Variants in PPARGC1A observed in about 807,000 individuals in gnomAD.
PPARGC1A encodes the protein peroxisome proliferator-activated receptor gamma coactivator 1-alpha.
In PPARGC1A, 25 loss-of-function variants were observed where a neutral mutation model predicts 88.7. The observed-to-expected ratio is 0.28, with a 90% CI of 0.21 to 0.39. The LOEUF is 0.39. Ranked by LOEUF, PPARGC1A falls within the 10% of genes least tolerant of loss-of-function variation. The probability of loss-of-function intolerance (pLI) is 1.00; values close to 1 mark genes in which losing one functional copy is unlikely to be tolerated. For synonymous variants in PPARGC1A, 363 were observed against 355.6 expected (o/e 1.02, Z -0.24); for missense variants, 880 against 968.7 (o/e 0.91, Z 1.22).
chr4:24,154,849 A>G, the PPARGC1A span, among the ~76,000 whole-genome samples: 1 of 152,232 alleles, frequency 6.6e-6, no homozygotes, highest in Non-Finnish European at 1.5e-5. Context: ...CTAAAAACAA[A>G]TGTCATTGAC....
chr4:24,189,271 T>G, the PPARGC1A span, among the ~76,000 whole-genome samples: 1 of 152,144 alleles, frequency 6.6e-6, no homozygotes, highest in South Asian at 2.1e-4. Flanking sequence ...CTGAACTATA[T>G]GCTGAGAAAT....
the PPARGC1A span, among the ~76,000 whole-genome samples, chr4:24,356,050 A>T: frequency 6.6e-6 from 1 of 152,088 alleles, no homozygotes; most frequent in Admixed American, 6.5e-5. Context: ...TATAAACATT[A>T]GCCAGGCGTG....
At chr4:23,967,757 A>G in the PPARGC1A span, among the ~76,000 whole-genome samples, 20 of 151,934 alleles carry the variant, frequency 1.3e-4, no homozygotes, top group Non-Finnish European at 2.4e-4. Flanking sequence ...TGAATATTGT[A>G]ATGAGTAAGG....
the PPARGC1A span, among the ~76,000 whole-genome samples, chr4:24,051,764 A>G: frequency 1.3e-5 from 2 of 152,116 alleles, no homozygotes; most frequent in Non-Finnish European, 2.9e-5. Flanking sequence ...GGCTTAAATA[A>G]CAAGTTTGAG....
At chr4:23,862,662 T>G (rs1315073298) in intron 2 of PPARGC1A, among the ~76,000 whole-genome samples, 1 of 152,180 alleles carries the variant, frequency 6.6e-6, no homozygotes, top group Admixed American at 6.5e-5. Context: ...AAAACTATGT[T>G]TTTAACATTG....
rs1231855851 is a variant in PPARGC1A at position 23,854,526 on chromosome 4, C to T, written c.235-22775G>A. 3.3e-5 allele frequency among the ~76,000 whole-genome samples: 5 copies of T among 152,140 alleles called. No homozygotes were observed. In the East Asian group the frequency reaches 5.8e-4, roughly 18 times the overall value. ...GGCCTCTCAGCTGTGTCTGGCTTGACTGAGAGGCCATACAGTCCAACAGTT... is the reference window on the plus strand; with the variant it reads ...GGCCTCTCAGCTGTGTCTGGCTTGATTGAGAGGCCATACAGTCCAACAGTT... On this transcript the variant is annotated intron_variant, in intron 2 of 12. Transcript: ENST00000264867.
At chr4:23,990,358 T>C in the PPARGC1A span, among the ~76,000 whole-genome samples, 2 of 151,964 alleles carry the variant, frequency 1.3e-5, no homozygotes, top group African/African-American at 4.8e-5. Flanking sequence ...TATGTGATAC[T>C]TATGTATTAG....
At chr4:23,796,362 C>T (rs747129424) in intron 12 of PPARGC1A, among the ~76,000 whole-genome samples, 1 of 152,078 alleles carries the variant, frequency 6.6e-6, no homozygotes, top group Non-Finnish European at 1.5e-5. Flanking sequence ...AGAATTTCCC[C>T]TAAACTTCAA....
chr4:24,230,182 C>A, the PPARGC1A span, among the ~76,000 whole-genome samples: 1 of 152,208 alleles, frequency 6.6e-6, no homozygotes, highest in East Asian at 1.9e-4. Context: ...ATTTGATCAT[C>A]CTTAGTCATT....
the PPARGC1A span, among the ~76,000 whole-genome samples, chr4:24,248,947 C>A: frequency 6.6e-6 from 1 of 152,142 alleles, no homozygotes; most frequent in Non-Finnish European, 1.5e-5. Context: ...ATAAAGCAAA[C>A]AGAGCAAAGG....
the PPARGC1A span, among the ~76,000 whole-genome samples, chr4:24,187,226 C>T: frequency 4.6e-5 from 7 of 152,294 alleles, no homozygotes; most frequent in Admixed American, 6.5e-5. Context: ...TTATTGAGCA[C>T]GCTCTGTGAG....
intron 10 of PPARGC1A, among the ~76,000 whole-genome samples, chr4:23,811,883 A>C (rs1259110241): frequency 7.3e-6 from 1 of 136,884 alleles, no homozygotes; most frequent in Non-Finnish European, 1.6e-5. Flanking sequence ...CACGCAGAAG[A>C]AATGACTTTT....
chr4:24,051,437 C>G, the PPARGC1A span, among the ~76,000 whole-genome samples: 1 of 152,164 alleles, frequency 6.6e-6, no homozygotes. Flanking sequence ...TGTAGTCTCT[C>G]TTTACACTAA....
At chr4:24,165,658 A>G in the PPARGC1A span, among the ~76,000 whole-genome samples, 11 of 152,068 alleles carry the variant, frequency 7.2e-5, no homozygotes, top group African/African-American at 2.4e-4. Flanking sequence ...CATTATTATT[A>G]TATCTGTTAA....
At chr4:24,253,359 A>G in the PPARGC1A span, among the ~76,000 whole-genome samples, 2 of 152,234 alleles carry the variant, frequency 1.3e-5, 1 homozygote, top group Non-Finnish European at 2.9e-5. Context: ...GGGAATGAGA[A>G]TGTTGTATCG....
At chr4:23,972,096 C>T in the PPARGC1A span, among the ~76,000 whole-genome samples, 2 of 152,076 alleles carry the variant, frequency 1.3e-5, no homozygotes, top group Non-Finnish European at 2.9e-5. Flanking sequence ...AGAAATTCAT[C>T]TTCCCCAAAT....
At chr4:24,349,501 G>A in the PPARGC1A span, among the ~76,000 whole-genome samples, 1 of 152,148 alleles carries the variant, frequency 6.6e-6, no homozygotes, top group African/African-American at 2.4e-5. Context: ...ATGGGGATGA[G>A]ATTACCAGGT....
chr4:24,307,123 C>T, the PPARGC1A span, among the ~76,000 whole-genome samples: 4 of 152,162 alleles, frequency 2.6e-5, no homozygotes, highest in African/African-American at 4.8e-5. Flanking sequence ...TTCCAGTCCA[C>T]TGGCCTGGCT....
chr4:23,903,518 TG>T (rs1456271974), upstream of PPARGC1A, among the ~76,000 whole-genome samples: 1 of 152,176 alleles, frequency 6.6e-6, no homozygotes, highest in South Asian at 2.1e-4. Context: ...TTCTGGAGAT[TG>T]TACACATAGC....
Sources: gnomAD v4.1 joint callset for allele counts (sites outside exome capture counted in the v4.1 genomes callset) on GRCh38, gnomAD v4.1.1 for gene constraint, MANE v1.5 for transcripts, NCBI Gene and HGNC (gene_info 2026-07-23, HGNC 2026-07-21) for gene names.